PRKG1: variants seen among roughly 807,000 people sequenced by gnomAD.
The protein encoded by PRKG1 is cGMP-dependent protein kinase 1.
In PRKG1, 35 loss-of-function variants were observed where a neutral mutation model predicts 88.1. That is an observed-to-expected ratio of 0.40 (90% CI 0.30 to 0.53). PRKG1 has a LOEUF of 0.53. Among genes scored for constraint, PRKG1 ranks in the 20% least tolerant of loss-of-function variants. PRKG1 has a pLI of 0.59. For synonymous variants in PRKG1, 303 were observed against 292.5 expected (o/e 1.04, Z -0.37); for missense variants, 540 against 839.8 (o/e 0.64, Z 4.41).
intron 1 of PRKG1, among the ~76,000 whole-genome samples, chr10:51,140,868 A>G (rs1224198795): frequency 1.3e-5 from 2 of 152,142 alleles, no homozygotes; most frequent in African/African-American, 4.8e-5. Context: ...CAACCACTGC[A>G]TGAAAGAGTC....
chr10:51,256,784 C>T (rs1473695916), intron 2 of PRKG1, among the ~76,000 whole-genome samples: 1 of 151,754 alleles, frequency 6.6e-6, no homozygotes, highest in African/African-American at 2.4e-5. Context: ...AATCGGGGAA[C>T]TAGAAAGTGA....
At chr10:51,714,973 C>T (rs994139279) in intron 3 of PRKG1, among the ~76,000 whole-genome samples, 4 of 152,114 alleles carry the variant, frequency 2.6e-5, no homozygotes, top group Non-Finnish European at 5.9e-5. Flanking sequence ...GAGCAAGGGA[C>T]AGGACAGTGT....
intron 9 of PRKG1, among the ~76,000 whole-genome samples, chr10:52,194,860 A>C (rs1839464156): frequency 6.6e-6 from 1 of 152,218 alleles, no homozygotes; most frequent in South Asian, 2.1e-4. Flanking sequence ...AGCCACTTGC[A>C]TCAAGGTAAT....
intron 12 of PRKG1, among the ~76,000 whole-genome samples, chr10:52,278,620 A>C (rs1002068391): frequency 6.6e-6 from 1 of 152,280 alleles, no homozygotes; most frequent in East Asian, 1.9e-4. Flanking sequence ...ATGGAATACT[A>C]TGCAGCCATA....
intron 5 of PRKG1, among the ~76,000 whole-genome samples, chr10:52,044,561 A>C (rs974437837): frequency 1.3e-5 from 2 of 152,116 alleles, no homozygotes; most frequent in Non-Finnish European, 2.9e-5. Context: ...AAAGAAAAGT[A>C]TTTATTTTAT....
chr10:51,797,663 C>T (rs1469184645), intron 3 of PRKG1, among the ~76,000 whole-genome samples: 3 of 149,424 alleles, frequency 2.0e-5, no homozygotes, highest in Non-Finnish European at 4.4e-5. Context: ...TAAAATATAT[C>T]ATCCTAACCA....
intron 2 of PRKG1, among the ~76,000 whole-genome samples, chr10:51,209,148 A>T (rs1373644078): frequency 6.6e-6 from 1 of 152,106 alleles, no homozygotes; most frequent in Non-Finnish European, 1.5e-5. Context: ...ACAGAAAGAT[A>T]TTGTTTTGAC....
chr10:51,102,050 A>G (rs1448372713), intron 1 of PRKG1, among the ~76,000 whole-genome samples: 1 of 152,192 alleles, frequency 6.6e-6, no homozygotes, highest in Non-Finnish European at 1.5e-5. Context: ...AAATACCACC[A>G]TCATGGCCAA....
intron 4 of PRKG1, among the ~76,000 whole-genome samples, chr10:51,866,341 A>C (rs1841014672): frequency 6.6e-6 from 1 of 152,194 alleles, no homozygotes; most frequent in South Asian, 2.1e-4. Context: ...GAAACCATAG[A>C]TATATATGTC....
chr10:51,189,253 T>G (rs778953402), intron 2 of PRKG1, among the ~76,000 whole-genome samples: 37 of 152,064 alleles, frequency 2.4e-4, no homozygotes, highest in Non-Finnish European at 4.7e-4. Flanking sequence ...TAAAAAATAT[T>G]TCCTTAGTCA....
intron 5 of PRKG1, among the ~76,000 whole-genome samples, chr10:51,957,117 C>CTTTG (rs1843325515): frequency 1.0e-5 from 1 of 98,762 alleles, no homozygotes; most frequent in African/African-American, 5.0e-5. Context: ...CTCTTTCTTT[C>CTTTG]TTTCCTGCTT....
intron 3 of PRKG1, among the ~76,000 whole-genome samples, chr10:51,623,101 C>T (rs895075116): frequency 2.6e-5 from 4 of 152,244 alleles, no homozygotes; most frequent in African/African-American, 9.6e-5. Context: ...TGTAGCAATC[C>T]AACAGATCAC....
intron 3 of PRKG1, among the ~76,000 whole-genome samples, chr10:51,691,502 G>C (rs1453589064): frequency 6.6e-6 from 1 of 151,906 alleles, no homozygotes; most frequent in Admixed American, 6.6e-5. Flanking sequence ...ACTTTATAGA[G>C]ACAGGGTTTC....
chr10:51,027,718 T>C (rs745420077), intron 1 of PRKG1, among the ~76,000 whole-genome samples: 1 of 152,112 alleles, frequency 6.6e-6, no homozygotes, highest in Non-Finnish European at 1.5e-5. Flanking sequence ...GATGGGAAAA[T>C]AGTACTGCAA....
chr10:51,927,617 C>A (rs1045601763), intron 5 of PRKG1, among the ~76,000 whole-genome samples: 1 of 151,972 alleles, frequency 6.6e-6, no homozygotes, highest in Non-Finnish European at 1.5e-5. Context: ...CTATAGAGTC[C>A]CACTTTATTT....
intron 7 of PRKG1, among the ~76,000 whole-genome samples, chr10:52,129,634 G>C (rs1047000567): frequency 2.0e-5 from 3 of 152,292 alleles, no homozygotes; most frequent in African/African-American, 7.2e-5. Context: ...GTTTGCCATT[G>C]AATGAGCTTG....
chr10:52,269,708 T>C (rs1460295411), intron 10 of PRKG1, among the ~76,000 whole-genome samples: 1 of 152,132 alleles, frequency 6.6e-6, no homozygotes, highest in Non-Finnish European at 1.5e-5. Flanking sequence ...ATATGGGCTG[T>C]TTGGTATCAT....
intron 3 of PRKG1, among the ~76,000 whole-genome samples, chr10:51,556,245 A>G (rs1301337061): frequency 6.6e-6 from 1 of 152,062 alleles, no homozygotes; most frequent in African/African-American, 2.4e-5. Context: ...CCTAGGATAT[A>G]AGAAGTAAAG....
chr10:51,354,305 G>C (rs921431869), intron 2 of PRKG1, among the ~76,000 whole-genome samples: 131 of 152,110 alleles, frequency 8.6e-4, no homozygotes, highest in African/African-American at 3.0e-3. Context: ...AACTAAAAGA[G>C]TATAATTGGA....
Sources: allele counts gnomAD v4.1 joint callset (sites outside exome capture counted in the v4.1 genomes callset), GRCh38; gene constraint gnomAD v4.1.1; transcripts MANE v1.5; gene names NCBI Gene and HGNC (gene_info 2026-07-23, HGNC 2026-07-21).